The following NBPF11 variants were observed in gnomAD, a reference collection of about 807,000 sequenced individuals.
NBPF11 encodes the protein NBPF member 11, also known as NBPF family member NBPF11.
In NBPF11, 72 loss-of-function variants were observed where a neutral mutation model predicts 93.9. The ratio of observed to expected loss-of-function variants is 0.77; its 90% CI spans 0.63 to 0.93. The LOEUF (loss-of-function observed/expected upper bound fraction) is 0.93. Among genes scored for constraint, NBPF11 ranks in the 40% least tolerant of loss-of-function variants. The probability of loss-of-function intolerance (pLI) is 0.00; values close to 1 mark genes in which losing one functional copy is unlikely to be tolerated. For missense variants in NBPF11, 705 were observed against 802.2 expected, an observed-to-expected ratio of 0.88 and a Z score of 1.46; for synonymous variants, 224 against 304.9, an observed-to-expected ratio of 0.73 and a Z score of 2.76.
chr1:148,144,608 T>C (rs1374728230), intron 1 of NBPF11, among the ~76,000 whole-genome samples: 3 of 151,978 alleles, frequency 2.0e-5, no homozygotes, highest in Non-Finnish European at 2.9e-5. Flanking sequence ...CAATAATGAA[T>C]ACTATATTTA....
At position 148,146,720 on chromosome 1, in the gene NBPF11, G is replaced by A. The variant is rs1247702146; in HGVS notation, c.-548-3034C>T. On this transcript the variant is annotated intron_variant, in intron 1 of 23. Transcript: ENST00000682118. ...TGCATGTATGTTCGCTGCGTGCCTG[G>A]TGCCAGGTACACGGTCCTCTTCTCG... is the stretch of plus-strand genomic sequence containing the variant. The A allele has an allele frequency of 3.8e-5, 61 of 1,612,126 alleles. No individual in the cohort carries two copies. The East Asian group carries it at 1.1e-3, about 30-fold the overall frequency.
rs369222314 is a variant in NBPF11, at chr1:148,108,441, G to T, written c.2026+41C>A. On this transcript the variant is annotated intron_variant, in intron 18 of 23. Coordinates refer to ENST00000682118, the MANE Select transcript of NBPF11 (RefSeq NM_001385469.3). ...AGTAGGAATATGACCCTAAACAGAA[G>T]ACTCAGTGGATCCTTATCACCTTCA... The T allele has an allele frequency of 4.7e-3, 6,235 of 1,322,996 alleles. 63 individuals carry two copies. The highest frequency in any genetic ancestry group is 7.0e-3 in the Admixed American group (402 of 57,712). The allele number at this position is 1,322,996 out of a possible 1,614,324, so 82.0% of individuals were successfully genotyped here.
At chr1:148,107,494 C>G (rs1357171679) in intron 19 of NBPF11, among the ~76,000 whole-genome samples, 11 of 152,036 alleles carry the variant, frequency 7.2e-5, no homozygotes, top group Non-Finnish European at 1.2e-4. Context: ...GCCATACGGC[C>G]TTTGAGGTAT....
chr1:148,119,565 C>A (rs1185489128), intron 10 of NBPF11, among the ~76,000 whole-genome samples: 3 of 151,846 alleles, frequency 2.0e-5, no homozygotes, highest in Non-Finnish European at 2.9e-5. Flanking sequence ...CGGGTGCGAT[C>A]TTTCTTCCTC....
At chr1:148,114,850 G>C (rs1380944606) in intron 14 of NBPF11, among the ~76,000 whole-genome samples, 1 of 151,316 alleles carries the variant, frequency 6.6e-6, no homozygotes, top group Non-Finnish European at 1.5e-5. Flanking sequence ...TAAATGTTTA[G>C]AGGCATCTAT....
At chr1:148,105,757 C>G (rs1300000605) in intron 21 of NBPF11, among the ~76,000 whole-genome samples, 1 of 94,142 alleles carries the variant, frequency 1.1e-5, no homozygotes, top group Non-Finnish European at 1.9e-5. Context: ...AACACACACA[C>G]AAAGACACAC....
intron 5 of NBPF11, 131 bp from the exon 6 acceptor site, chr1:148,125,132 T>G: frequency 1.3e-6 from 1 of 791,072 alleles, no homozygotes; most frequent in Non-Finnish European, 2.1e-6. Context: ...GACAGGGATT[T>G]CCACATCTTT....
At chr1:148,126,247 C>T (rs1421330674) in intron 5 of NBPF11, among the ~76,000 whole-genome samples, 2 of 152,100 alleles carry the variant, frequency 1.3e-5, no homozygotes, top group Non-Finnish European at 2.9e-5. Flanking sequence ...CCTCTGCCCG[C>T]CTCAGCCTCC....
chr1:148,147,613 C>A (rs1673392596), intron 1 of NBPF11, among the ~76,000 whole-genome samples: 1 of 151,976 alleles, frequency 6.6e-6, no homozygotes, highest in Non-Finnish European at 1.5e-5. Flanking sequence ...TCGTCCTGGC[C>A]CTGCCCAGCC....
At chr1:148,106,414 C>T (rs1248543545) in intron 20 of NBPF11, among the ~76,000 whole-genome samples, 182 bp from the exon 21 acceptor site, 1 of 148,440 alleles carries the variant, frequency 6.7e-6, no homozygotes, top group Non-Finnish European at 1.5e-5. Context: ...CATCTCAGAA[C>T]CAAGGGTGAA....
rs1475680355 is a variant in NBPF11, at chr1:148,104,306, C to T, written c.2581+231G>A. On this transcript the variant is annotated intron_variant, in intron 23 of 23. Transcript: ENST00000682118. ...ATATGCTCAAAATTCGATGCAGTGGCCATGAGAGTACAGCTTTTGAAGTAT... is the reference window on the plus strand; with the variant it reads ...ATATGCTCAAAATTCGATGCAGTGGTCATGAGAGTACAGCTTTTGAAGTAT... 5.0e-3 allele frequency among the ~76,000 whole-genome samples: 730 copies of T among 145,324 alleles called. 6 individuals are homozygous for T. The highest frequency in any genetic ancestry group is 0.028 in the Middle Eastern group (8 of 290).
At chr1:148,144,507 G>A (rs1302022606) in intron 1 of NBPF11, among the ~76,000 whole-genome samples, 12 of 151,694 alleles carry the variant, frequency 7.9e-5, no homozygotes, top group African/African-American at 1.2e-4. Context: ...CAAGTACTGA[G>A]AATACAGTGG....
At chr1:148,124,854 A>T (rs1172265113) in intron 6 of NBPF11, 45 bp downstream of exon 6, 1 of 1,599,538 alleles carries the variant, frequency 6.3e-7, no homozygotes, top group African/African-American at 1.3e-5. Context: ...TACTTCAGAG[A>T]TCTACACACC....
Position 148,106,536 on chromosome 1 carries a change from A to G in NBPF11, c.2252-304T>C, listed in dbSNP as rs1663664461. Among the ~76,000 whole-genome samples, 6 of 138,216 alleles carry G rather than the reference A, an allele frequency of 4.3e-5. 2 individuals are homozygous for G. Among genetic ancestry groups the G allele is most frequent in the African/African-American group, 1.8e-4 (6 of 33,452 alleles). The allele number at this position is 138,216 out of a possible 152,430, so 90.7% of individuals were successfully genotyped here. On this transcript the variant is annotated intron_variant, in intron 20 of 23. Transcript: ENST00000682118. ...AAAGAAAATGCCCCAGAGGATTTCT[A>G]GGAGGAAAACTAAAGTATTCAGCCC... is the stretch of plus-strand genomic sequence containing the variant.
chr1:148,146,089 C>A (rs1305999069), intron 1 of NBPF11, among the ~76,000 whole-genome samples: 1 of 151,902 alleles, frequency 6.6e-6, no homozygotes, highest in African/African-American at 2.4e-5. Context: ...GAGGGACCGA[C>A]GGACGCACGG....
Position 148,118,636 on chromosome 1 carries a change from G to T in NBPF11, c.1075C>A (p.Gln359Lys), listed in dbSNP as rs1571437527. ...KEEKLAEQLKQAEELRQYKVL... is the reference protein window; with the variant it reads ...KEEKLAEQLKKAEELRQYKVL... Reference sequence around the variant, plus strand: ...TCCCCTCACCTGAGCTCCTCAGCTTGCTTCAGCTGCTCTGCAAGCTTCTCC... The same window carrying T: ...TCCCCTCACCTGAGCTCCTCAGCTTTCTTCAGCTGCTCTGCAAGCTTCTCC... The change falls in exon 11 of 24, where the codon CAA becomes AAA. Residue 359 changes from glutamine to lysine, a missense_variant. Gln to Lys is a moderately conservative substitution (Grantham distance 53). Coordinates refer to ENST00000682118, the MANE Select transcript of NBPF11 (RefSeq NM_001385469.3). 6.2e-7 allele frequency: 1 copy of T among 1,612,564 alleles called. No homozygotes were observed. The highest frequency in any genetic ancestry group is 1.3e-5 in the African/African-American group (1 of 74,746).
chr1:148,139,312 C>T (rs1671836925), intron 2 of NBPF11, among the ~76,000 whole-genome samples: 1 of 144,806 alleles, frequency 6.9e-6, no homozygotes, highest in Admixed American at 7.0e-5. Flanking sequence ...GAAAACCATC[C>T]CTAGAATGCA....
Position 148,122,072 on chromosome 1 carries a change from G to A in NBPF11, c.761C>T (p.Ala254Val), listed in dbSNP as rs1668004413. The A allele has an allele frequency of 1.9e-6, 3 of 1,609,788 alleles. No homozygotes were observed. Among genetic ancestry groups the A allele is most frequent in the South Asian group, 1.1e-5 (1 of 90,986 alleles). ...RESSHDGCQD[A>V]LNILPVPGPT... is the part of the protein sequence containing the mutation. Reference sequence around the variant, plus strand: ...GAGGCTACCTGGGAGAATGTTTAGAGCATCCTGACATCCATCATGAGAGGA... The same window carrying A: ...GAGGCTACCTGGGAGAATGTTTAGAACATCCTGACATCCATCATGAGAGGA... Residue 254 changes from alanine (A) to valine (V), a missense_variant, in exon 9 of 24, where the codon GCT becomes GTT. Around this residue, in one of 12 missense-constraint regions of NBPF11, gnomAD observed 262 missense variants for 223.1 expected, o/e 1.17. Transcript: ENST00000682118.
chr1:148,117,040 C>G (rs1206838203), intron 12 of NBPF11, among the ~76,000 whole-genome samples: 2 of 152,078 alleles, frequency 1.3e-5, no homozygotes, highest in Admixed American at 1.3e-4. Context: ...CCACAAAATG[C>G]CCCCACATCA....
Sources: gnomAD v4.1 joint callset for allele counts (sites outside exome capture counted in the v4.1 genomes callset) on GRCh38, gnomAD v4.1.1 for gene constraint, gnomAD v4.1.1 regional missense constraint, MANE v1.5 for transcripts, NCBI Gene and HGNC (gene_info 2026-07-23, HGNC 2026-07-21) for gene names.